The following MKLN1 variants were observed in gnomAD, a reference collection of about 807,000 sequenced individuals.
MKLN1 encodes the protein muskelin.
A neutral mutation model predicts 99.0 loss-of-function variants in MKLN1; 18 were observed. That is an observed-to-expected ratio of 0.18 (90% CI 0.13 to 0.27). The LOEUF is 0.27. Ranked by LOEUF, MKLN1 falls within the 10% of genes least tolerant of loss-of-function variation. MKLN1 has a pLI of 1.00. For synonymous variants in MKLN1, 288 were observed against 293.2 expected, an observed-to-expected ratio of 0.98 and a Z score of 0.18; for missense variants, 621 against 875.9, an observed-to-expected ratio of 0.71 and a Z score of 3.67.
chr7:131,311,407 G>C (rs1255812819), intron 3 of MKLN1, among the ~76,000 whole-genome samples: 2 of 152,080 alleles, frequency 1.3e-5, no homozygotes, highest in African/African-American at 4.8e-5. Context: ...AATTATGACT[G>C]ATAACATATA....
chr7:131,203,791 G>C (rs1001586616), intron 3 of MKLN1, among the ~76,000 whole-genome samples: 1 of 152,106 alleles, frequency 6.6e-6, no homozygotes, highest in Admixed American at 6.5e-5. Context: ...CCTGTCCTAA[G>C]GGAAGACTTG....
chr7:131,192,278 AATATATAATAT>A (rs1319567612), intron 2 of MKLN1, among the ~76,000 whole-genome samples: 1 of 64,998 alleles, frequency 1.5e-5, no homozygotes, highest in East Asian at 5.2e-4. Flanking sequence ...AAATATATAA[AATATATAATAT>A]ATACAATATA....
chr7:131,157,969 T>C (rs1795992981), intron 2 of MKLN1, among the ~76,000 whole-genome samples: 1 of 152,190 alleles, frequency 6.6e-6, no homozygotes, highest in Non-Finnish European at 1.5e-5. Context: ...CTTCTGTCCC[T>C]GCCCGAGGAA....
chr7:131,397,409 C>T lies in MKLN1; in HGVS notation c.510+33C>T, dbSNP rs775778268. The T allele has an allele frequency of 3.7e-5, 41 of 1,115,784 alleles. No homozygotes were observed. In the Admixed American group the frequency reaches 8.1e-4, roughly 22 times the overall value. The allele number at this position is 1,115,784 out of a possible 1,614,324, so 69.1% of individuals were successfully genotyped here. On this transcript the variant is annotated intron_variant, in intron 5 of 17. Coordinates refer to ENST00000352689, the MANE Select transcript of MKLN1 (RefSeq NM_013255.5). ...TGTGTTTTAAATCCTGACTTTAATGCCTATAAAAGGAGAAATATGTCAATC... is the reference window on the plus strand; with the variant it reads ...TGTGTTTTAAATCCTGACTTTAATGTCTATAAAAGGAGAAATATGTCAATC...
chr7:131,368,550 A>C (rs1800249821), intron 1 of MKLN1, among the ~76,000 whole-genome samples: 1 of 152,306 alleles, frequency 6.6e-6, no homozygotes, highest in African/African-American at 2.4e-5. Flanking sequence ...TGGCAGCAGG[A>C]GAGAAAGAGA....
intron 7 of MKLN1, among the ~76,000 whole-genome samples, 191 bp downstream of exon 7, chr7:131,411,574 A>G (rs1794875673): frequency 7.1e-6 from 1 of 140,900 alleles, no homozygotes; most frequent in Non-Finnish European, 1.5e-5. Context: ...GAGGTTCAAG[A>G]TCAGCCTGGG....
At chr7:131,174,068 G>A (rs974567482) in intron 2 of MKLN1, among the ~76,000 whole-genome samples, 1 of 150,692 alleles carries the variant, frequency 6.6e-6, no homozygotes, top group South Asian at 2.1e-4. Context: ...TGCCTCCCGG[G>A]TTCACGCCAT....
At position 131,192,163 on chromosome 7, in the gene MKLN1, T is replaced by A. The variant is rs1255509828; in HGVS notation, c.-296-10694T>A. Among the ~76,000 whole-genome samples, 19 of 96,518 alleles carry A rather than the reference T, an allele frequency of 2.0e-4. 4 individuals are homozygous for A. Among genetic ancestry groups the A allele is most frequent in the African/African-American group, 7.6e-4 (17 of 22,428 alleles). The allele number at this position is 96,518 out of a possible 152,430, so 63.3% of individuals were successfully genotyped here. ...TATATACGTATATATACATATATAC[T>A]TATGTATAATATATAAAAATATATA... On this transcript the variant is annotated intron_variant, in intron 2 of 7. Transcript: ENST00000416992.
At chr7:131,469,453 A>C (rs548901040) in intron 15 of MKLN1, among the ~76,000 whole-genome samples, 1 of 152,286 alleles carries the variant, frequency 6.6e-6, no homozygotes, top group South Asian at 2.1e-4. Context: ...GGGTGCCAAA[A>C]CCTTGGTCTA....
intron 2 of MKLN1, among the ~76,000 whole-genome samples, chr7:131,171,949 G>A (rs1483488680): frequency 1.3e-5 from 2 of 152,086 alleles, no homozygotes; most frequent in Non-Finnish European, 2.9e-5. Context: ...CAACAATGAG[G>A]AGACCAGTGG....
chr7:131,291,056 A>G (rs1019827297), intron 3 of MKLN1, among the ~76,000 whole-genome samples: 1 of 151,992 alleles, frequency 6.6e-6, no homozygotes, highest in African/African-American at 2.4e-5. Context: ...CAGGATGCAA[A>G]CCATCAGTTT....
At chr7:131,123,622 T>C (rs1271045313) in intron 1 of MKLN1, among the ~76,000 whole-genome samples, 4 of 152,130 alleles carry the variant, frequency 2.6e-5, no homozygotes, top group African/African-American at 9.7e-5. Flanking sequence ...ACCCTGTCTC[T>C]AGTAAAAATA....
At chr7:131,137,003 T>C (rs961154751) in intron 1 of MKLN1, among the ~76,000 whole-genome samples, 2 of 152,178 alleles carry the variant, frequency 1.3e-5, no homozygotes, top group African/African-American at 2.4e-5. Context: ...ATTCTGGGGT[T>C]CCTAGGTTAT....
chr7:131,142,881 C>T, exon 2 of MKLN1: 1 of 1,301,394 alleles, frequency 7.7e-7, no homozygotes, highest in Admixed American at 2.3e-5. Flanking sequence ...ATCCTCCTGA[C>T]TCCATAAACT....
intron 8 of MKLN1, among the ~76,000 whole-genome samples, chr7:131,415,717 C>T (rs1047790844): frequency 1.3e-5 from 2 of 151,914 alleles, no homozygotes; most frequent in Non-Finnish European, 2.9e-5. Context: ...GAGTCTTAGG[C>T]ATCTTTTTTT....
At chr7:131,287,755 A>G (rs577847478) in intron 3 of MKLN1, among the ~76,000 whole-genome samples, 2 of 152,218 alleles carry the variant, frequency 1.3e-5, no homozygotes, top group African/African-American at 4.8e-5. Flanking sequence ...TTTAATCCCC[A>G]TAATCCCCAC....
rs1385166801 is a variant in MKLN1 at position 131,487,898 on chromosome 7, AC to A, written c.*174del. The A allele has an allele frequency of 1.2e-5, 7 of 574,348 alleles. No individual in the cohort carries two copies. The highest frequency in any genetic ancestry group is 1.9e-5 in the Non-Finnish European group (7 of 359,958). 35.6% of individuals were successfully genotyped at this position (574,348 alleles called of 1,614,324 possible). On this transcript the variant is annotated 3_prime_UTR_variant, in exon 18 of 18. Coordinates refer to ENST00000352689, the MANE Select transcript of MKLN1 (RefSeq NM_013255.5). The surrounding 1 kb of genome is among the most constrained non-coding windows in gnomAD (Gnocchi z 4.7). ...CCCTCTTCCTTCATGCCTGACCTCAACCCCGCTCTCCTCATCCTATTCCTAA... is the reference window on the plus strand; with the variant it reads ...CCCTCTTCCTTCATGCCTGACCTCAACCCGCTCTCCTCATCCTATTCCTAA...
At chr7:131,189,522 A>G (rs1212203397) in intron 2 of MKLN1, among the ~76,000 whole-genome samples, 2 of 85,270 alleles carry the variant, frequency 2.3e-5, no homozygotes, top group Admixed American at 3.2e-4. Flanking sequence ...AGTTTTTTAT[A>G]TTAAAAAACA....
At chr7:131,361,315 CT>C (rs1163891835) in intron 1 of MKLN1, among the ~76,000 whole-genome samples, 1 of 151,204 alleles carries the variant, frequency 6.6e-6, no homozygotes, top group African/African-American at 2.4e-5. Context: ...GATATTGTTT[CT>C]TTTTTTTCTT....
Sources: gnomAD v4.1 joint callset for allele counts (sites outside exome capture counted in the v4.1 genomes callset) on GRCh38, gnomAD v4.1.1 for gene constraint, Gnocchi (gnomAD v3.1) non-coding constraint, MANE v1.5 for transcripts, NCBI Gene and HGNC (gene_info 2026-07-23, HGNC 2026-07-21) for gene names.